Variants in USP6NL observed in about 807,000 individuals in gnomAD.
USP6NL encodes USP6 N-terminal like.
A neutral mutation model predicts 61.9 loss-of-function variants in USP6NL; 26 were observed. The ratio of observed to expected loss-of-function variants is 0.42; its 90% CI spans 0.31 to 0.58. The LOEUF is 0.58. Ranked by LOEUF, USP6NL falls within the 20% of genes least tolerant of loss-of-function variation. The pLI, the probability that USP6NL is intolerant of heterozygous loss-of-function variation, is 0.16. For synonymous variants in USP6NL, 432 were observed against 390.1 expected, an observed-to-expected ratio of 1.11 and a Z score of -1.27; for missense variants, 1,114 against 1,034.3, an observed-to-expected ratio of 1.08 and a Z score of -1.06.
chr10:11,573,432 A>C (rs1321462594), intron 2 of USP6NL: 5 of 387,126 alleles, frequency 1.3e-5, no homozygotes, highest in Non-Finnish European at 2.3e-5. Flanking sequence ...AGTAATAATG[A>C]GGCATGTTAA....
At chr10:11,536,962 T>C (rs1428644505) in intron 2 of USP6NL, among the ~76,000 whole-genome samples, 1 of 152,088 alleles carries the variant, frequency 6.6e-6, no homozygotes, top group Non-Finnish European at 1.5e-5. Flanking sequence ...GTAATCACCA[T>C]CAAGGAAAGG....
Position 11,592,322 on chromosome 10 carries a change from T to C in USP6NL, c.4+5309A>G, listed in dbSNP as rs1254761645. ...AAATTTTCTGAGAAGCAATTTCTGC[T>C]GGCATTCTTCACCACTGACTACAGC... On this transcript the variant is annotated intron_variant, in intron 2 of 14. Transcript: ENST00000609104. The surrounding 1 kb of genome is among the most constrained non-coding windows in gnomAD (Gnocchi z 4.7). Among the ~76,000 whole-genome samples the C allele has an allele frequency of 6.6e-6, 1 of 152,200 alleles. No individual in the cohort carries two copies. The highest frequency in any genetic ancestry group is 1.9e-4 in the East Asian group (1 of 5,198).
At position 11,476,115 on chromosome 10, in the gene USP6NL, C is replaced by T. The variant is rs533919883; in HGVS notation, c.1078+5655G>A. Among the ~76,000 whole-genome samples, 2 of 152,268 alleles carry T rather than the reference C, an allele frequency of 1.3e-5. No individual in the cohort carries two copies. Among genetic ancestry groups the T allele is most frequent in the Non-Finnish European group, 2.9e-5 (2 of 68,024 alleles). ...GAAAGGTGTACTGCTCCCTGTCAAG[C>T]GACTTAAGCCCATAACAAATACAAA... On this transcript the variant is annotated intron_variant, in intron 14 of 14. Coordinates refer to ENST00000609104, the MANE Select transcript of USP6NL (RefSeq NM_014688.5). This position sits in a 1 kb window ranked among gnomAD's most constrained non-coding sequence, Gnocchi z 4.3.
rs551543689 is a variant in USP6NL at position 11,510,839 on chromosome 10, A to G, written c.196-1164T>C. ...CCAAGTCACCCCTCTCATAAGTGGT[A>G]GAAGACGGATTCAAAGCCAGGCAAG... is the stretch of plus-strand genomic sequence containing the variant. On this transcript the variant is annotated intron_variant, in intron 5 of 14. Coordinates refer to ENST00000609104, the MANE Select transcript of USP6NL (RefSeq NM_014688.5). This position sits in a 1 kb window ranked among gnomAD's most constrained non-coding sequence, Gnocchi z 4.8. Among the ~76,000 whole-genome samples, 5 of 152,302 alleles carry G rather than the reference A, an allele frequency of 3.3e-5. No individual in the cohort carries two copies. In the East Asian group the frequency reaches 7.7e-4, roughly 24 times the overall value.
At chr10:11,550,561 G>A (rs1836443336) in intron 2 of USP6NL, among the ~76,000 whole-genome samples, 1 of 151,974 alleles carries the variant, frequency 6.6e-6, no homozygotes, top group Non-Finnish European at 1.5e-5. Flanking sequence ...TTCAAGACCA[G>A]CCCAGCCAAC....
chr10:11,519,006 G>A (rs997291315), intron 4 of USP6NL, among the ~76,000 whole-genome samples: 13 of 152,160 alleles, frequency 8.5e-5, no homozygotes, highest in South Asian at 2.1e-4. Flanking sequence ...ACTTCTTCTC[G>A]CAAGATAAAT....
At chr10:11,560,714 T>TATTATATATA (rs138095176) in intron 2 of USP6NL, among the ~76,000 whole-genome samples, 6 of 141,310 alleles carry the variant, frequency 4.2e-5, no homozygotes, top group Admixed American at 3.6e-4. Flanking sequence ...TATATATATA[T>TATTATATATA]TATATATATA....
intron 2 of USP6NL, among the ~76,000 whole-genome samples, chr10:11,541,476 T>C (rs1836066713): frequency 2.0e-5 from 3 of 151,758 alleles, no homozygotes. Flanking sequence ...ACTGCAAAGA[T>C]CACACAGTTC....
rs1263425905 is a variant in USP6NL, at chr10:11,537,174, G to A, written c.5-9607C>T. ...CGCCCAGACTGGAGTGCAGTGGCAC[G>A]ATCACAGTTCACTGCAGCGTCAATC... is the stretch of plus-strand genomic sequence containing the variant. On this transcript the variant is annotated intron_variant, in intron 2 of 14. Transcript: ENST00000609104. The surrounding 1 kb of genome is among the most constrained non-coding windows in gnomAD (Gnocchi z 5.1). Among the ~76,000 whole-genome samples the A allele has an allele frequency of 1.1e-4, 16 of 152,016 alleles. No individual in the cohort carries two copies. In the East Asian group the frequency reaches 1.2e-3, roughly 11 times the overall value.
chr10:11,521,183 C>T (rs1383702576), intron 4 of USP6NL, among the ~76,000 whole-genome samples: 1 of 151,668 alleles, frequency 6.6e-6, no homozygotes, highest in Non-Finnish European at 1.5e-5. Flanking sequence ...AATAAGTTGA[C>T]TATATTGACT....
At chr10:11,544,550 C>T (rs1328852704) in intron 2 of USP6NL, among the ~76,000 whole-genome samples, 3 of 151,988 alleles carry the variant, frequency 2.0e-5, no homozygotes, top group Non-Finnish European at 4.4e-5. Flanking sequence ...TGCAGTTGCA[C>T]GATCTCGGCT....
chr10:11,599,233 G>A (rs1268513622), intron 1 of USP6NL, among the ~76,000 whole-genome samples: 1 of 152,124 alleles, frequency 6.6e-6, no homozygotes, highest in Non-Finnish European at 1.5e-5. Flanking sequence ...TTACAAATAA[G>A]GCAGGATTAA....
intron 2 of USP6NL, among the ~76,000 whole-genome samples, chr10:11,552,829 T>A (rs2133495125): frequency 6.6e-6 from 1 of 152,342 alleles, no homozygotes; most frequent in Admixed American, 6.5e-5. Context: ...ATTATTTTTT[T>A]AATAGATTTG....
Position 11,485,338 on chromosome 10 carries a change from A to G in USP6NL, c.760-104T>C. 1 of 853,916 alleles carries G rather than the reference A, an allele frequency of 1.2e-6. No individual in the cohort carries two copies. Among genetic ancestry groups the G allele is most frequent in the Non-Finnish European group, 1.8e-6 (1 of 566,838 alleles). The allele number at this position is 853,916 out of a possible 1,614,324, so 52.9% of individuals were successfully genotyped here. On this transcript the variant is annotated intron_variant, in intron 11 of 14. Transcript: ENST00000609104. This position sits in a 1 kb window ranked among gnomAD's most constrained non-coding sequence, Gnocchi z 4.8. ...TTGGATGCAGCTATCAAAGCTAAAC[A>G]CATTTACTTCTCAAAATCACTCCAA...
Position 11,520,699 on chromosome 10 carries a change from C to G in USP6NL, c.156-2125G>C, listed in dbSNP as rs1215387572. 1.3e-5 allele frequency among the ~76,000 whole-genome samples: 2 copies of G among 152,240 alleles called. No individual in the cohort carries two copies. Among genetic ancestry groups the G allele is most frequent in the African/African-American group, 4.8e-5 (2 of 41,452 alleles). ...GCAAACTATGGTGCATAGGCCAAAT[C>G]TGGCCCACTGTGCATTTTTGTAACG... On this transcript the variant is annotated intron_variant, in intron 4 of 14. Coordinates refer to ENST00000609104, the MANE Select transcript of USP6NL (RefSeq NM_014688.5). The surrounding 1 kb of genome is among the most constrained non-coding windows in gnomAD (Gnocchi z 5.2).
chr10:11,502,475 G>A (rs1057100062), intron 6 of USP6NL, among the ~76,000 whole-genome samples: 1 of 152,086 alleles, frequency 6.6e-6, no homozygotes, highest in African/African-American at 2.4e-5. Context: ...TGTCCAAACA[G>A]GGAAATAATT....
At chr10:11,559,630 A>T (rs1460193480) in intron 2 of USP6NL, among the ~76,000 whole-genome samples, 1 of 152,240 alleles carries the variant, frequency 6.6e-6, no homozygotes, top group Non-Finnish European at 1.5e-5. Flanking sequence ...AAAACAATGC[A>T]CTAAGCCCAA....
intron 6 of USP6NL, among the ~76,000 whole-genome samples, chr10:11,506,877 C>T (rs1249982344): frequency 6.6e-6 from 1 of 151,792 alleles, no homozygotes; most frequent in African/African-American, 2.4e-5. Flanking sequence ...AAACATACTT[C>T]TCCTTGAAAG....
chr10:11,601,500 C>T (rs1485119078), intron 1 of USP6NL, among the ~76,000 whole-genome samples: 2 of 152,128 alleles, frequency 1.3e-5, no homozygotes, highest in Non-Finnish European at 2.9e-5. Context: ...ATCATTATGT[C>T]AGTCTTTATG....
Sources: allele counts gnomAD v4.1 joint callset (sites outside exome capture counted in the v4.1 genomes callset), GRCh38; gene constraint gnomAD v4.1.1; non-coding constraint Gnocchi (gnomAD v3.1); transcripts MANE v1.5; gene names NCBI Gene and HGNC (gene_info 2026-07-23, HGNC 2026-07-21).